VPS13C: variants seen among roughly 807,000 people sequenced by gnomAD.
The protein encoded by VPS13C is vacuolar protein sorting 13 homolog C.
A neutral mutation model predicts 456.8 loss-of-function variants in VPS13C; 358 were observed. The ratio of observed to expected loss-of-function variants is 0.78; its 90% CI spans 0.72 to 0.86. The LOEUF is 0.86. Among genes scored for constraint, VPS13C ranks in the 40% least tolerant of loss-of-function variants. The probability of loss-of-function intolerance (pLI) is 0.00; values close to 1 mark genes in which losing one functional copy is unlikely to be tolerated. For missense variants in VPS13C, 4,818 were observed against 4,385.4 expected, an observed-to-expected ratio of 1.10 and a Z score of -2.79; for synonymous variants, 1,578 against 1,486.7, an observed-to-expected ratio of 1.06 and a Z score of -1.41.
chr15:61,916,566 A>G (rs1325815325), intron 60 of VPS13C, among the ~76,000 whole-genome samples: 1 of 152,158 alleles, frequency 6.6e-6, no homozygotes, highest in Non-Finnish European at 1.5e-5. Context: ...ATACTATTTA[A>G]TTCTTATAAA....
chr15:61,882,538 T>C, intron 69 of VPS13C, 58 bp downstream of exon 69: 1 of 1,408,738 alleles, frequency 7.1e-7, no homozygotes. Context: ...AAAAAGAAAT[T>C]TCATTCCCAA....
At chr15:61,952,352 A>G (rs185643822) in intron 38 of VPS13C, among the ~76,000 whole-genome samples, 1 of 152,318 alleles carries the variant, frequency 6.6e-6, no homozygotes, top group East Asian at 1.9e-4. Flanking sequence ...CTCCCCCCAG[A>G]TAATGGCAAC....
At chr15:62,010,979 G>C (rs547618939) in intron 12 of VPS13C, among the ~76,000 whole-genome samples, 2 of 152,136 alleles carry the variant, frequency 1.3e-5, no homozygotes, top group East Asian at 3.9e-4. Context: ...AATAAGATCT[G>C]ATAAATTTGT....
intron 81 of VPS13C, chr15:61,865,802 G>T (rs201829464): frequency 1.1e-5 from 6 of 527,452 alleles, no homozygotes; most frequent in Non-Finnish European, 1.4e-5. Context: ...ATGTGTGTGT[G>T]TATATATATA....
intron 66 of VPS13C, among the ~76,000 whole-genome samples, chr15:61,891,117 T>C (rs906661668): frequency 6.6e-6 from 1 of 152,200 alleles, no homozygotes. Context: ...TCATGATCTA[T>C]AACATAGGAA....
At chr15:61,872,797 T>C (rs1895133737) in intron 78 of VPS13C, among the ~76,000 whole-genome samples, 1 of 152,130 alleles carries the variant, frequency 6.6e-6, no homozygotes, top group Admixed American at 6.6e-5. Context: ...AGAATATTCA[T>C]ACATCACCTA....
intron 22 of VPS13C, among the ~76,000 whole-genome samples, chr15:61,980,637 T>TAAA (rs112342799): frequency 6.9e-6 from 1 of 145,982 alleles, no homozygotes; most frequent in African/African-American, 2.5e-5. Flanking sequence ...TTCCTAATCT[T>TAAA]AAAAAAAAAA....
chr15:61,923,024 T>C (rs34853395), intron 53 of VPS13C, among the ~76,000 whole-genome samples: 8,671 of 152,204 alleles, frequency 0.057, 310 homozygotes, highest in Non-Finnish European at 0.08. Flanking sequence ...ATAACTAATG[T>C]TATATGTCAG....
At chr15:62,042,857 T>G (rs1474703113) in intron 2 of VPS13C, among the ~76,000 whole-genome samples, 1 of 151,740 alleles carries the variant, frequency 6.6e-6, no homozygotes, top group Non-Finnish European at 1.5e-5. Context: ...ATGGCACATG[T>G]ATACATAGGT....
At position 62,021,326 on chromosome 15, in the gene VPS13C, T is replaced by C. The variant is rs186113477; in HGVS notation, c.625-788A>G. ...AAAAAGGCTTTCATACTTGGAAATATGAACTATCTCTTTAAGCCTTTAATG... is the reference window on the plus strand; with the variant it reads ...AAAAAGGCTTTCATACTTGGAAATACGAACTATCTCTTTAAGCCTTTAATG... On this transcript the variant is annotated intron_variant, in intron 8 of 84. Coordinates refer to ENST00000644861, the MANE Select transcript of VPS13C (RefSeq NM_020821.3). 1.1e-3 allele frequency among the ~76,000 whole-genome samples: 166 copies of C among 152,100 alleles called. No individual in the cohort carries two copies. The Middle Eastern group carries it at 0.014, about 12-fold the overall frequency.
Position 61,918,194 on chromosome 15 carries a change from C to A in VPS13C, c.7702G>T (p.Glu2568Ter). The change falls in exon 59 of 85, where the codon GAG becomes TAG. Residue 2568 changes from glutamate (E) to a stop codon, truncating the protein, a stop_gained. Transcript: ENST00000644861. LOFTEE classifies it high-confidence loss of function. ...TCAGGTCTGGCTATCCCAATGCGCT[C>A]CAATAGCTTAACATTCTTAACAAAT... is the stretch of plus-strand genomic sequence containing the variant. ...YKFVKNVKLL[E>*]RIGIARPEEE... is the part of the protein sequence containing the mutation. The A allele has an allele frequency of 6.3e-7, 1 of 1,599,632 alleles. No individual in the cohort carries two copies. The highest frequency in any genetic ancestry group is 8.5e-7 in the Non-Finnish European group (1 of 1,174,482).
At chr15:61,885,223 T>G (rs1896181521) in intron 67 of VPS13C, among the ~76,000 whole-genome samples, 1 of 152,110 alleles carries the variant, frequency 6.6e-6, no homozygotes, top group Non-Finnish European at 1.5e-5. Context: ...GACTATACTG[T>G]AGTATAAATT....
Position 62,050,915 on chromosome 15 carries a change from G to A in VPS13C, c.101-6660C>T, listed in dbSNP as rs529730173. On this transcript the variant is annotated intron_variant, in intron 1 of 84. Coordinates refer to ENST00000644861, the MANE Select transcript of VPS13C (RefSeq NM_020821.3). ...ATGGAAGTAAATTAGCAAATGACAT[G>A]AAGAGTTGGAGTCATCGCAAAAAAA... 2.0e-5 allele frequency among the ~76,000 whole-genome samples: 3 copies of A among 150,860 alleles called. No individual in the cohort carries two copies. The South Asian group carries it at 6.3e-4, about 32-fold the overall frequency.
At chr15:61,978,043 C>G (rs2045759911) in intron 23 of VPS13C, among the ~76,000 whole-genome samples, 1 of 151,758 alleles carries the variant, frequency 6.6e-6, no homozygotes, top group African/African-American at 2.4e-5. Flanking sequence ...CTTCTAGAAA[C>G]TAAGTAAGTC....
Position 61,969,443 on chromosome 15 carries a change from C to A in VPS13C, c.2767G>T (p.Glu923Ter). The A allele has an allele frequency of 6.6e-7, 1 of 1,526,570 alleles. No individual in the cohort carries two copies. 94.6% of individuals were successfully genotyped at this position (1,526,570 alleles called of 1,614,324 possible). The change falls in exon 28 of 85, where the codon GAA becomes TAA. Residue 923 changes from glutamate (E) to a stop codon, truncating the protein, a stop_gained. Coordinates refer to ENST00000644861, the MANE Select transcript of VPS13C (RefSeq NM_020821.3). LOFTEE classifies it high-confidence loss of function. Reference sequence around the variant, plus strand: ...TCTTCTTTCTGCTGTTTAGTAAATTCCAAAATCACCTAAAAGAATTAGAGT... The same window carrying A: ...TCTTCTTTCTGCTGTTTAGTAAATTACAAAATCACCTAAAAGAATTAGAGT... ...LKFEIKEVIL[E>*]FTKQQKEEDT... is the part of the protein sequence containing the mutation.
chr15:61,959,369 A>C, intron 36 of VPS13C, 79 bp downstream of exon 36: 1 of 1,331,600 alleles, frequency 7.5e-7, no homozygotes, highest in Non-Finnish European at 1.0e-6. Context: ...AAGAGTCTAC[A>C]TTTCATTTGG....
intron 66 of VPS13C, among the ~76,000 whole-genome samples, chr15:61,900,128 T>A (rs2042951929): frequency 6.6e-6 from 1 of 152,106 alleles, no homozygotes; most frequent in Non-Finnish European, 1.5e-5. Flanking sequence ...TAATAAAAGC[T>A]ATCTATGACA....
chr15:61,883,902 G>A (rs1475276307), intron 68 of VPS13C, among the ~76,000 whole-genome samples: 1 of 150,640 alleles, frequency 6.6e-6, no homozygotes, highest in Non-Finnish European at 1.5e-5. Context: ...TAAAACACAG[G>A]TTTAAATCCT....
At chr15:61,869,950 C>T (rs1273636001) in intron 79 of VPS13C, among the ~76,000 whole-genome samples, 1 of 152,148 alleles carries the variant, frequency 6.6e-6, no homozygotes, top group Admixed American at 6.5e-5. Context: ...CTCATCAGTA[C>T]CTGCAACTTG....
Sources: gnomAD v4.1 joint callset for allele counts (sites outside exome capture counted in the v4.1 genomes callset) on GRCh38, gnomAD v4.1.1 for gene constraint, MANE v1.5 for transcripts, NCBI Gene and HGNC (gene_info 2026-07-23, HGNC 2026-07-21) for gene names.